Variants in SLC22A3 observed in about 807,000 individuals in gnomAD.
SLC22A3 encodes EMT organic cation transporter 3.
Under a neutral mutation model 59.1 loss-of-function variants are expected in SLC22A3, and 51 were observed. The ratio of observed to expected loss-of-function variants is 0.86; its 90% confidence interval spans 0.69 to 1.09. The LOEUF is 1.09. SLC22A3 is among the 50% of genes least tolerant of loss of function. The pLI is 0.00. For synonymous variants in SLC22A3, 325 were observed against 292.0 expected (o/e 1.11, Z -1.15); for missense variants, 711 against 726.3 (o/e 0.98, Z 0.24).
In SLC22A3 at chr6:160,350,379, A is replaced by T. The variant is rs369441592; in HGVS notation, c.429+1531A>T. Among the ~76,000 whole-genome samples, 45 of 152,320 alleles carry T rather than the reference A, an allele frequency of 3.0e-4. No homozygotes were observed. The East Asian group carries it at 7.3e-3, about 25-fold the overall frequency. On this transcript the variant is annotated intron_variant, in intron 1 of 10. Transcript: ENST00000275300. Reference sequence around the variant, plus strand: ...AATACATATGTGTGTTGGGATCTTTAATTTCTACTTAATCCATGGTAAGGC... The same window carrying T: ...AATACATATGTGTGTTGGGATCTTTTATTTCTACTTAATCCATGGTAAGGC...
chr6:160,425,712 A>G, intron 5 of SLC22A3: 2 of 557,926 alleles, frequency 3.6e-6, no homozygotes, highest in Non-Finnish European at 4.5e-6. Flanking sequence ...ATGTACACAT[A>G]GCCTTTCACA....
chr6:160,417,668 C>A (rs1454213666), intron 5 of SLC22A3, among the ~76,000 whole-genome samples: 2 of 152,204 alleles, frequency 1.3e-5, no homozygotes, highest in Admixed American at 1.3e-4. Flanking sequence ...ATTGCTTTGG[C>A]CTCATGATAG....
chr6:160,446,375 G>C (rs1248624852), intron 9 of SLC22A3, among the ~76,000 whole-genome samples: 1 of 152,194 alleles, frequency 6.6e-6, no homozygotes, highest in Non-Finnish European at 1.5e-5. Flanking sequence ...AACTGCCCAA[G>C]ACTGGGTAAT....
At chr6:160,432,944 A>T (rs935349277) in intron 5 of SLC22A3, among the ~76,000 whole-genome samples, 2 of 152,214 alleles carry the variant, frequency 1.3e-5, no homozygotes, top group African/African-American at 4.8e-5. Flanking sequence ...TAGGAATGAT[A>T]GTAGTATCTG....
At chr6:160,443,159 A>G (rs1300780133) in intron 8 of SLC22A3, among the ~76,000 whole-genome samples, 6 of 152,238 alleles carry the variant, frequency 3.9e-5, no homozygotes, top group Non-Finnish European at 1.5e-5. Context: ...CCTTGCTTAG[A>G]CTGTGGGTTA....
intron 2 of SLC22A3, among the ~76,000 whole-genome samples, chr6:160,406,675 A>AG (rs1335838935): frequency 1.3e-5 from 2 of 152,212 alleles, no homozygotes; most frequent in Non-Finnish European, 2.9e-5. Flanking sequence ...GATTCAAGGC[A>AG]AGGCCTTCTG....
intron 1 of SLC22A3, among the ~76,000 whole-genome samples, chr6:160,378,892 C>T (rs1482210587): frequency 6.6e-6 from 1 of 152,170 alleles, no homozygotes; most frequent in African/African-American, 2.4e-5. Context: ...TGGCTCACTG[C>T]CACTTCCCAG....
intron 5 of SLC22A3, among the ~76,000 whole-genome samples, chr6:160,429,420 C>T (rs1228760124): frequency 6.6e-6 from 1 of 152,120 alleles, no homozygotes; most frequent in Non-Finnish European, 1.5e-5. Flanking sequence ...CTACTAACAC[C>T]ATCCCCTTCC....
chr6:160,354,119 A>G lies in SLC22A3; in HGVS notation c.429+5271A>G, dbSNP rs540958479. Among the ~76,000 whole-genome samples the G allele has an allele frequency of 3.9e-5, 6 of 152,340 alleles. No homozygotes were observed. In the East Asian group the frequency reaches 9.6e-4, roughly 24 times the overall value. On this transcript the variant is annotated intron_variant, in intron 1 of 10. Coordinates refer to ENST00000275300, the MANE Select transcript of SLC22A3 (RefSeq NM_021977.4). The stretch of plus-strand genomic sequence containing the variant: ...CTTTGGGCAAAGGTAGGGGACTCCA[A>G]CAGATGTTGCAGAGACATCTGTACT...
intron 1 of SLC22A3, among the ~76,000 whole-genome samples, chr6:160,391,120 A>G (rs527745629): frequency 3.5e-4 from 54 of 152,312 alleles, no homozygotes; most frequent in African/African-American, 1.3e-3. Context: ...TTAACTCATT[A>G]CATCTACAAA....
chr6:160,366,406 C>G (rs1423067231), intron 1 of SLC22A3, among the ~76,000 whole-genome samples: 2 of 152,226 alleles, frequency 1.3e-5, no homozygotes, highest in African/African-American at 4.8e-5. Context: ...GCTCCCACAG[C>G]CTTGGACGGC....
chr6:160,423,245 G>C (rs1787818752), intron 5 of SLC22A3, among the ~76,000 whole-genome samples: 1 of 152,116 alleles, frequency 6.6e-6, no homozygotes, highest in Non-Finnish European at 1.5e-5. Flanking sequence ...TGGACATTTG[G>C]GTTGGTTCCA....
intron 3 of SLC22A3, among the ~76,000 whole-genome samples, chr6:160,408,204 T>C (rs767980490): frequency 1.4e-4 from 21 of 152,182 alleles, no homozygotes; most frequent in Non-Finnish European, 2.9e-4. Context: ...CAATAAAATT[T>C]CCCATGTGAT....
chr6:160,447,632 C>A, intron 9 of SLC22A3, 87 bp from the exon 10 acceptor site: 1 of 1,101,266 alleles, frequency 9.1e-7, no homozygotes, highest in Non-Finnish European at 1.4e-6. Context: ...CAGTGAGCAA[C>A]ATGATGGCTT....
rs373843579 is a variant in SLC22A3 at position 160,351,631 on chromosome 6, G to T, written c.429+2783G>T. ...GAAAGGAACTGTAGTTCCATCTTCAGCTAACATTATGTATCCAGTGTATTT... is the reference window on the plus strand; with the variant it reads ...GAAAGGAACTGTAGTTCCATCTTCATCTAACATTATGTATCCAGTGTATTT... On this transcript the variant is annotated intron_variant, in intron 1 of 10. Coordinates refer to ENST00000275300, the MANE Select transcript of SLC22A3 (RefSeq NM_021977.4). Among the ~76,000 whole-genome samples, 35 of 152,246 alleles carry T rather than the reference G, an allele frequency of 2.3e-4. No homozygotes were observed. In the South Asian group the frequency reaches 7.2e-3, roughly 32 times the overall value.
intron 5 of SLC22A3, among the ~76,000 whole-genome samples, chr6:160,414,135 A>G (rs1449546113): frequency 6.6e-6 from 1 of 152,220 alleles, no homozygotes; most frequent in African/African-American, 2.4e-5. Flanking sequence ...TGGCAAGACT[A>G]CTTCATAAGT....
At chr6:160,431,793 AT>A (rs1316894181) in intron 5 of SLC22A3, among the ~76,000 whole-genome samples, 3 of 152,200 alleles carry the variant, frequency 2.0e-5, no homozygotes, top group African/African-American at 7.2e-5. Context: ...TCTGGATTGG[AT>A]TCTTCAGATA....
In SLC22A3 at chr6:160,398,053, A is replaced by C; in HGVS notation, c.504A>C (p.Gly168=). ...TCCTGAACCTCGGCTTCCTGACTGG[A>C]GCATTCACCTTAGGCTATGCAGCAG... ...QAILNLGFLT[G]AFTLGYAADR... The change falls in exon 2 of 11, where the codon GGA becomes GGC. Residue 168 remains glycine (G), a synonymous_variant. Coordinates refer to ENST00000275300, the MANE Select transcript of SLC22A3 (RefSeq NM_021977.4). 1 of 1,613,720 alleles carries C rather than the reference A, an allele frequency of 6.2e-7. No homozygotes were observed. Among genetic ancestry groups the C allele is most frequent in the Non-Finnish European group, 8.5e-7 (1 of 1,179,660 alleles).
At chr6:160,416,984 G>T (rs1379092829) in intron 5 of SLC22A3, among the ~76,000 whole-genome samples, 1 of 152,192 alleles carries the variant, frequency 6.6e-6, no homozygotes, top group Non-Finnish European at 1.5e-5. Flanking sequence ...AGCTGGGATT[G>T]TTTCTAAGTA....
Sources: allele counts gnomAD v4.1 joint callset (sites outside exome capture counted in the v4.1 genomes callset), GRCh38; gene constraint gnomAD v4.1.1; transcripts MANE v1.5; gene names NCBI Gene and HGNC (gene_info 2026-07-23, HGNC 2026-07-21).